The following PCNT variants were observed in gnomAD, a reference collection of about 807,000 sequenced individuals.
PCNT encodes the protein pericentrin.
A neutral mutation model predicts 380.4 loss-of-function variants in PCNT; 319 were observed. The ratio of observed to expected loss-of-function variants is 0.84; its 90% confidence interval spans 0.77 to 0.92. PCNT has a LOEUF of 0.92. Among genes scored for constraint, PCNT ranks in the 40% least tolerant of loss-of-function variants. The probability of loss-of-function intolerance (pLI) is 0.00; values close to 1 mark genes in which losing one functional copy is unlikely to be tolerated. For synonymous variants in PCNT, 1,845 were observed against 1,735.2 expected, an observed-to-expected ratio of 1.06 and a Z score of -1.57; for missense variants, 4,400 against 4,255.3, an observed-to-expected ratio of 1.03 and a Z score of -0.95.
At chr21:46,436,503 G>C (rs1412237014) in intron 39 of PCNT, among the ~76,000 whole-genome samples, 1 of 84,414 alleles carries the variant, frequency 1.2e-5, no homozygotes, top group East Asian at 3.6e-4. Flanking sequence ...GCACTGCCCA[G>C]TGTCACTCAA....
rs528333251 is a variant in PCNT at position 46,367,370 on chromosome 21, C to T, written c.3165+231C>T. Among the ~76,000 whole-genome samples the T allele has an allele frequency of 2.0e-5, 3 of 149,942 alleles. No homozygotes were observed. In the South Asian group the frequency reaches 6.3e-4, roughly 32 times the overall value. ...TTCGCCAGGCTGGAGTGCAGTGGCGCAATCTTGGCTCACTGCAACCTCCGC... is the reference window on the plus strand; with the variant it reads ...TTCGCCAGGCTGGAGTGCAGTGGCGTAATCTTGGCTCACTGCAACCTCCGC... On this transcript the variant is annotated intron_variant, in intron 15 of 46. Transcript: ENST00000359568.
chr21:46,325,883 G>A (rs1280122139), intron 1 of PCNT, among the ~76,000 whole-genome samples: 1 of 152,168 alleles, frequency 6.6e-6, no homozygotes, highest in African/African-American at 2.4e-5. Context: ...TTCCATAAAG[G>A]AAGATGTGAG....
intron 42 of PCNT, 54 bp from the exon 43 acceptor site, chr21:46,440,801 A>C (rs2053588677): frequency 9.1e-7 from 1 of 1,096,474 alleles, no homozygotes; most frequent in African/African-American, 1.5e-5. Context: ...TGCTTTTGTC[A>C]GCAAGACAGT....
chr21:46,440,282 T>G, intron 42 of PCNT, 80 bp downstream of exon 42: 2 of 1,505,196 alleles, frequency 1.3e-6, no homozygotes, highest in East Asian at 4.5e-5. Flanking sequence ...AGCATTTTTG[T>G]GACCACAAGG....
intron 5 of PCNT, 81 bp from the exon 6 acceptor site, chr21:46,347,366 TGGGTGCCAGA>T: frequency 1.6e-6 from 2 of 1,259,798 alleles, no homozygotes; most frequent in Admixed American, 3.4e-5. Context: ...ACGTGTCCAG[TGGGTGCCAGA>T]GCCTGGTCGT....
chr21:46,432,112 AAG>A lies in PCNT; in HGVS notation c.8651_8652del (p.Glu2884AlafsTer43). ...TTAGAGCAGTCACACCCACGGTTGA[AAG>A]AGCAAGAAGGACGCAAGGCTGCGAG... On this transcript the variant is annotated frameshift_variant, in exon 38 of 47. Transcript: ENST00000359568. LOFTEE classifies it high-confidence loss of function. The A allele has an allele frequency of 6.2e-7, 1 of 1,614,146 alleles. No homozygotes were observed.
chr21:46,324,335 G>A (rs2083281766), intron 1 of PCNT, 53 bp downstream of exon 1: 8 of 1,429,906 alleles, frequency 5.6e-6, no homozygotes, highest in Non-Finnish European at 6.8e-6. Flanking sequence ...TCCTAAGGGC[G>A]GCTCCGGTGC....
chr21:46,334,936 G>C (rs957262888), intron 3 of PCNT, among the ~76,000 whole-genome samples, 168 bp downstream of exon 3: 1 of 152,214 alleles, frequency 6.6e-6, no homozygotes, highest in Non-Finnish European at 1.5e-5. Flanking sequence ...TAGGCCCCAC[G>C]TGCTGCCGCC....
chr21:46,364,649 A>T (rs1009383048), intron 14 of PCNT, among the ~76,000 whole-genome samples: 1 of 152,242 alleles, frequency 6.6e-6, no homozygotes, highest in African/African-American at 2.4e-5. Flanking sequence ...CAAGAGGTTT[A>T]GAAAGTGATT....
intron 21 of PCNT, among the ~76,000 whole-genome samples, chr21:46,393,019 C>T (rs1482980868): frequency 1.3e-5 from 2 of 152,236 alleles, no homozygotes; most frequent in Non-Finnish European, 2.9e-5. Context: ...ATTTGCCGCA[C>T]CTCCTGGCGT....
At chr21:46,378,538 G>A (rs1434248841) in intron 15 of PCNT, among the ~76,000 whole-genome samples, 1 of 152,136 alleles carries the variant, frequency 6.6e-6, no homozygotes, top group Non-Finnish European at 1.5e-5. Context: ...CCGGACAGAA[G>A]GATGACCCCC....
chr21:46,340,073 C>T (rs1339226801), intron 3 of PCNT, among the ~76,000 whole-genome samples: 3 of 152,290 alleles, frequency 2.0e-5, no homozygotes, highest in East Asian at 3.9e-4. Context: ...CACAGTTCCA[C>T]GTGGCTGGGG....
Position 46,428,547 on chromosome 21 carries a change from A to G in PCNT, c.7647A>G (p.Ala2549=). The G allele has an allele frequency of 6.2e-7, 1 of 1,608,224 alleles. No individual in the cohort carries two copies. Among genetic ancestry groups the G allele is most frequent in the Non-Finnish European group, 8.5e-7 (1 of 1,179,494 alleles). ...LQHLRTALTS[A]EARGSQQEHQ... ...ACTTGCGCACGGCGCTGACAAGCGC[A>G]GAGGCGCGCGGGAGCCAGCAGGAGC... The change falls in exon 35 of 47, where the codon GCA becomes GCG. Residue 2549 remains alanine (A), a synonymous_variant. Coordinates refer to ENST00000359568, the MANE Select transcript of PCNT (RefSeq NM_006031.6).
intron 38 of PCNT, 77 bp downstream of exon 38, chr21:46,432,292 A>G: frequency 7.1e-7 from 1 of 1,407,746 alleles, no homozygotes; most frequent in African/African-American, 1.4e-5. Context: ...CACGTGGGGG[A>G]CGCGAGATTT....
intron 3 of PCNT, among the ~76,000 whole-genome samples, chr21:46,335,866 A>T (rs1006344697): frequency 2.5e-4 from 38 of 151,766 alleles, no homozygotes; most frequent in Non-Finnish European, 1.0e-4. Context: ...TTGTATTTTT[A>T]GTAGAGACAG....
Position 46,411,667 on chromosome 21 carries a change from C to T in PCNT, c.5594C>T (p.Ala1865Val). The T allele has an allele frequency of 6.2e-7, 1 of 1,612,988 alleles. No homozygotes were observed. Among genetic ancestry groups the T allele is most frequent in the Non-Finnish European group, 8.5e-7 (1 of 1,179,852 alleles). Residue 1865 changes from alanine to valine, a missense_variant, in exon 28 of 47, where the codon GCA (alanine) becomes GTA (valine). Transcript: ENST00000359568. ...RIQEFEAALK[A>V]KEATIAERNL... is the part of the protein sequence containing the mutation. ...CAGGAGTTCGAAGCGGCCCTGAAAGCAAAGGAAGCGACGATTGCCGAGAGA... is the reference window on the plus strand; with the variant it reads ...CAGGAGTTCGAAGCGGCCCTGAAAGTAAAGGAAGCGACGATTGCCGAGAGA...
chr21:46,324,659 G>T (rs1369624967), intron 1 of PCNT, among the ~76,000 whole-genome samples: 1 of 151,810 alleles, frequency 6.6e-6, no homozygotes, highest in Admixed American at 6.6e-5. Flanking sequence ...GCACGGAGGG[G>T]GTGGGGCGCG....
At chr21:46,414,318 C>G (rs1569274069) in intron 29 of PCNT, among the ~76,000 whole-genome samples, 1 of 152,130 alleles carries the variant, frequency 6.6e-6, no homozygotes, top group Non-Finnish European at 1.5e-5. Flanking sequence ...GATGCACTGT[C>G]TGCACCTCGC....
chr21:46,417,094 A>C (rs796860422), intron 30 of PCNT, among the ~76,000 whole-genome samples: 1 of 151,836 alleles, frequency 6.6e-6, no homozygotes, highest in Admixed American at 6.6e-5. Flanking sequence ...GCTGACTCCA[A>C]CGGGCATAGC....
Sources: allele counts gnomAD v4.1 joint callset (sites outside exome capture counted in the v4.1 genomes callset), GRCh38; gene constraint gnomAD v4.1.1; transcripts MANE v1.5; gene names NCBI Gene and HGNC (gene_info 2026-07-23, HGNC 2026-07-21).